Variants in MSANTD5 observed in about 807,000 individuals in gnomAD.
MSANTD5 encodes the protein Myb/SANT DNA binding domain containing 5, also known as uncharacterized protein MSANTD5.
chr5:178,698,542 A>G (rs1441046413), upstream of MSANTD5, among the ~76,000 whole-genome samples: 1 of 152,168 alleles, frequency 6.6e-6, no homozygotes, highest in Non-Finnish European at 1.5e-5. Flanking sequence ...CTGAGAAGAC[A>G]GGGAAGGGGG....
At chr5:178,692,205 C>T (rs1194249974), downstream of MSANTD5, among the ~76,000 whole-genome samples, 2 of 135,028 alleles carry the variant, frequency 1.5e-5, no homozygotes, top group East Asian at 3.9e-4. Context: ...TATGGTGAAA[C>T]CCTCTCTCTA....
the MSANTD5 span, chr5:178,707,208 T>C: frequency 6.6e-6 from 1 of 152,042 alleles, no homozygotes; most frequent in South Asian, 2.1e-4. Flanking sequence ...GAATGAAGAA[T>C]AGAAGAATAT....
At chr5:178,699,600 A>G (rs1194797364), upstream of MSANTD5, among the ~76,000 whole-genome samples, 1 of 152,078 alleles carries the variant, frequency 6.6e-6, no homozygotes, top group African/African-American at 2.4e-5. Flanking sequence ...CTAGTAGAGA[A>G]GGGTTTCACC....
intron 2 of MSANTD5, among the ~76,000 whole-genome samples, 193 bp downstream of exon 2, chr5:178,695,904 T>TCATATCCCATCCCTGTGGGGCC (rs1219949998): frequency 1.3e-5 from 2 of 152,152 alleles, no homozygotes; most frequent in Non-Finnish European, 2.9e-5. Context: ...GATGTGGGAC[T>TCATATCCCATCCCTGTGGGGCC]CACATCCCAT....
chr5:178,705,957 A>T, the MSANTD5 span, among the ~76,000 whole-genome samples: 33 of 152,166 alleles, frequency 2.2e-4, no homozygotes, highest in African/African-American at 7.5e-4. Context: ...ACTCTGTCTC[A>T]AAACAAAACA....
At chr5:178,703,158 G>A in the MSANTD5 span, among the ~76,000 whole-genome samples, 1 of 152,264 alleles carries the variant, frequency 6.6e-6, no homozygotes, top group Non-Finnish European at 1.5e-5. Context: ...CAGGTCCTCA[G>A]GGCTGCTGCT....
chr5:178,701,167 CG>C (rs1250429130), upstream of MSANTD5, among the ~76,000 whole-genome samples: 2 of 151,918 alleles, frequency 1.3e-5, no homozygotes, highest in African/African-American at 4.8e-5. Flanking sequence ...TTAGTAGAGA[CG>C]GGGTTTCACT....
the MSANTD5 span, among the ~76,000 whole-genome samples, chr5:178,704,789 G>T: frequency 6.6e-6 from 1 of 152,174 alleles, no homozygotes; most frequent in South Asian, 2.1e-4. Context: ...GTATTTTAGG[G>T]ATAGCAATAA....
the MSANTD5 span, among the ~76,000 whole-genome samples, chr5:178,703,113 G>A: frequency 5.3e-5 from 8 of 152,234 alleles, no homozygotes; most frequent in African/African-American, 1.9e-4. Context: ...CCTTGAGGGA[G>A]AGGCCATGTG....
At chr5:178,700,212 T>A (rs899902739), upstream of MSANTD5, among the ~76,000 whole-genome samples, 1 of 152,092 alleles carries the variant, frequency 6.6e-6, no homozygotes, top group Non-Finnish European at 1.5e-5. Context: ...TCTCCTCAAC[T>A]TGGACACAGT....
chr5:178,703,980 C>CAAA, the MSANTD5 span, among the ~76,000 whole-genome samples: 1 of 60,268 alleles, frequency 1.7e-5, no homozygotes, highest in Admixed American at 1.9e-4. Flanking sequence ...GACTCCGTCT[C>CAAA]AAAAAAAAAA....
chr5:178,703,049 A>T, the MSANTD5 span, among the ~76,000 whole-genome samples: 4 of 152,174 alleles, frequency 2.6e-5, no homozygotes, highest in African/African-American at 7.2e-5. Flanking sequence ...CACACGAGAG[A>T]GCACCCGAGA....
chr5:178,705,674 T>C, the MSANTD5 span, among the ~76,000 whole-genome samples: 1 of 151,972 alleles, frequency 6.6e-6, no homozygotes, highest in South Asian at 2.1e-4. Flanking sequence ...GAGGTTGTCT[T>C]GGCTGGGCAT....
the MSANTD5 span, chr5:178,706,862 C>G: frequency 6.6e-6 from 1 of 152,070 alleles, no homozygotes; most frequent in African/African-American, 2.4e-5. Flanking sequence ...ATGCGGGACC[C>G]GTTATGACTA....
At chr5:178,703,136 G>A in the MSANTD5 span, among the ~76,000 whole-genome samples, 2 of 152,240 alleles carry the variant, frequency 1.3e-5, no homozygotes, top group South Asian at 4.1e-4. Context: ...CTCAGAACAG[G>A]AGAGGCCAGG....
the MSANTD5 span, among the ~76,000 whole-genome samples, chr5:178,704,491 C>G: frequency 2.0e-4 from 31 of 152,342 alleles, no homozygotes; most frequent in East Asian, 5.6e-3. Context: ...CCACAGCCTC[C>G]TCTTGGACTT....
chr5:178,701,695 ATATAAATATATCTATATATTATATATT>A (rs1199954115), upstream of MSANTD5, among the ~76,000 whole-genome samples: 1 of 147,692 alleles, frequency 6.8e-6, no homozygotes, highest in Admixed American at 6.8e-5. Flanking sequence ...ATATTTAAAT[ATATAAATATATCTATATATTATATATT>A]TATAAATATA....
chr5:178,691,543 T>C (rs1388217264), downstream of MSANTD5, among the ~76,000 whole-genome samples: 2 of 136,292 alleles, frequency 1.5e-5, 1 homozygote, highest in Non-Finnish European at 3.3e-5. Flanking sequence ...CATTAAAATG[T>C]TGGTAAATTG....
chr5:178,698,176 A>T (rs184834972), upstream of MSANTD5, among the ~76,000 whole-genome samples: 1 of 152,240 alleles, frequency 6.6e-6, no homozygotes, highest in East Asian at 1.9e-4. Flanking sequence ...TGGATGTGGG[A>T]CCCTCTATGA....
Sources: gnomAD v4.1 joint callset for allele counts (sites outside exome capture counted in the v4.1 genomes callset) on GRCh38, gnomAD v4.1.1 for gene constraint, MANE v1.5 for transcripts, NCBI Gene and HGNC (gene_info 2026-07-23, HGNC 2026-07-21) for gene names.